Variants in FER observed in about 807,000 individuals in gnomAD.
The protein encoded by FER is FER tyrosine kinase.
In FER, 63 loss-of-function variants were observed where a neutral mutation model predicts 111.0. The observed-to-expected ratio is 0.57, with a 90% confidence interval of 0.46 to 0.70. The LOEUF (loss-of-function observed/expected upper bound fraction) is 0.70, where lower values mean the gene tolerates loss of function less well. FER is among the 30% of genes least tolerant of loss of function. FER has a pLI of 0.00. For synonymous variants in FER, 327 were observed against 313.9 expected (o/e 1.04, Z -0.44); for missense variants, 914 against 954.0 (o/e 0.96, Z 0.55).
At chr5:109,043,235 G>A (rs1771437637) in intron 14 of FER, among the ~76,000 whole-genome samples, 1 of 152,174 alleles carries the variant, frequency 6.6e-6, no homozygotes, top group African/African-American at 2.4e-5. Flanking sequence ...CTTTAGGTAA[G>A]TGGAGGCCCA....
intron 5 of FER, among the ~76,000 whole-genome samples, chr5:108,839,154 C>T (rs943340459): frequency 6.6e-6 from 1 of 152,100 alleles, no homozygotes; most frequent in Non-Finnish European, 1.5e-5. Flanking sequence ...ATGTCAGTGC[C>T]TCTTATAGAC....
At chr5:109,051,293 G>C (rs1243945454) in intron 16 of FER, 11 of 1,461,184 alleles carry the variant, frequency 7.5e-6, no homozygotes, top group East Asian at 2.3e-5. Flanking sequence ...GAGGAATCTT[G>C]ATACTTTCAA....
chr5:109,109,631 C>T (rs1338646135), intron 17 of FER, among the ~76,000 whole-genome samples: 2 of 152,146 alleles, frequency 1.3e-5, no homozygotes, highest in Admixed American at 6.6e-5. Flanking sequence ...AGGCTTTCCA[C>T]TCCCCACAGC....
intron 2 of FER, among the ~76,000 whole-genome samples, chr5:108,781,304 C>T (rs1022942580): frequency 1.3e-5 from 2 of 152,102 alleles, no homozygotes; most frequent in African/African-American, 4.8e-5. Flanking sequence ...GATTATCCTG[C>T]CTCAGCCTCC....
chr5:109,101,471 T>G (rs979379966), intron 17 of FER, among the ~76,000 whole-genome samples: 1 of 152,022 alleles, frequency 6.6e-6, no homozygotes, highest in Non-Finnish European at 1.5e-5. Context: ...TCACCTTAAC[T>G]ATACATTTAT....
chr5:109,146,358 C>T (rs1450604921), intron 17 of FER, among the ~76,000 whole-genome samples: 1 of 143,280 alleles, frequency 7.0e-6, no homozygotes, highest in African/African-American at 2.6e-5. Context: ...AGGTCCAGCT[C>T]TTTCTCCCCT....
chr5:108,996,275 A>G (rs1763967753), intron 13 of FER, among the ~76,000 whole-genome samples: 1 of 152,144 alleles, frequency 6.6e-6, no homozygotes, highest in Admixed American at 6.5e-5. Context: ...ATTTGATCCC[A>G]TTTGTCAACT....
At chr5:108,992,673 CG>C (rs1400516704) in intron 13 of FER, among the ~76,000 whole-genome samples, 1 of 143,732 alleles carries the variant, frequency 7.0e-6, no homozygotes, top group Non-Finnish European at 1.6e-5. Flanking sequence ...GCTGGCCTGG[CG>C]GGGGCTGACC....
chr5:108,946,273 C>G (rs1581336061), intron 11 of FER, 51 bp downstream of exon 11: 2 of 1,176,662 alleles, frequency 1.7e-6, no homozygotes, highest in East Asian at 4.7e-5. Context: ...TGTCTAGCTT[C>G]TTTCTGATGC....
rs192344186 is a variant in FER at position 108,777,025 on chromosome 5, C to T, written c.-60+8787C>T. On this transcript the variant is annotated intron_variant, in intron 2 of 19. Transcript: ENST00000281092. Reference sequence around the variant, plus strand: ...TTTAAAAATCTCATTTTTTTAACCTCGTCATGCCAGGCATATTGGCCTATG... The same window carrying T: ...TTTAAAAATCTCATTTTTTTAACCTTGTCATGCCAGGCATATTGGCCTATG... Among the ~76,000 whole-genome samples, 319 of 152,186 alleles carry T rather than the reference C, an allele frequency of 2.1e-3. 2 individuals are homozygous for T. Among genetic ancestry groups the T allele is most frequent in the African/African-American group, 7.1e-3 (296 of 41,520 alleles).
chr5:109,143,098 A>C (rs72796593), intron 17 of FER, among the ~76,000 whole-genome samples: 64,684 of 151,850 alleles, frequency 0.43, 14,054 homozygotes, highest in African/African-American at 0.46. Flanking sequence ...GTTCCTGTTT[A>C]ATTAAGAAGG....
intron 11 of FER, among the ~76,000 whole-genome samples, chr5:108,947,293 A>T (rs72789304): frequency 0.11 from 17,344 of 152,042 alleles, 1,104 homozygotes; most frequent in Middle Eastern, 0.16. Context: ...CATGGTAATT[A>T]TACCATTTTA....
At chr5:109,147,796 TATATAG>T (rs1434708898) in intron 17 of FER, among the ~76,000 whole-genome samples, 159 of 118,040 alleles carry the variant, frequency 1.3e-3, no homozygotes, top group African/African-American at 4.1e-3. Flanking sequence ...TATATATATA[TATATAG>T]AGAGAGAGAG....
At chr5:108,765,860 T>TA (rs1253767022) in intron 1 of FER, among the ~76,000 whole-genome samples, 1 of 152,186 alleles carries the variant, frequency 6.6e-6, no homozygotes, top group African/African-American at 2.4e-5. Context: ...TAATACTGTT[T>TA]ACTGAACTAT....
At chr5:109,051,095 C>T (rs1334203480) in intron 16 of FER, among the ~76,000 whole-genome samples, 1 of 152,036 alleles carries the variant, frequency 6.6e-6, no homozygotes, top group Non-Finnish European at 1.5e-5. Flanking sequence ...CTTTAAATAC[C>T]AATATGCACC....
chr5:109,015,551 T>C (rs1006805908), intron 13 of FER, among the ~76,000 whole-genome samples: 1 of 151,970 alleles, frequency 6.6e-6, no homozygotes, highest in Non-Finnish European at 1.5e-5. Context: ...AGAGCTTCTA[T>C]CTGCCAGTGG....
At chr5:109,012,005 G>T (rs1766337999) in intron 13 of FER, among the ~76,000 whole-genome samples, 2 of 152,082 alleles carry the variant, frequency 1.3e-5, no homozygotes, top group Admixed American at 6.5e-5. Context: ...TTTCTCCCCA[G>T]CAGAGCCTAC....
intron 13 of FER, among the ~76,000 whole-genome samples, chr5:108,976,595 A>G (rs1161562960): frequency 6.6e-6 from 1 of 152,202 alleles, no homozygotes; most frequent in Non-Finnish European, 1.5e-5. Flanking sequence ...AGAAACAACT[A>G]CTAATAGCCT....
chr5:108,781,065 A>C (rs901958520), intron 2 of FER, among the ~76,000 whole-genome samples: 1 of 152,102 alleles, frequency 6.6e-6, no homozygotes, highest in Non-Finnish European at 1.5e-5. Flanking sequence ...TATGCAGTCT[A>C]TTTTATCCAT....
Sources: gnomAD v4.1 joint callset for allele counts (sites outside exome capture counted in the v4.1 genomes callset) on GRCh38, gnomAD v4.1.1 for gene constraint, MANE v1.5 for transcripts, NCBI Gene and HGNC (gene_info 2026-07-23, HGNC 2026-07-21) for gene names.